PTCHD4: variants seen among roughly 807,000 people sequenced by gnomAD.
PTCHD4 encodes patched domain containing 4.
A neutral mutation model predicts 58.1 loss-of-function variants in PTCHD4; 33 were observed. The ratio of observed to expected loss-of-function variants is 0.57; its 90% CI spans 0.43 to 0.76. The LOEUF (loss-of-function observed/expected upper bound fraction) is 0.76, where lower values mean the gene tolerates loss of function less well. Among genes scored for constraint, PTCHD4 ranks in the 30% least tolerant of loss-of-function variants. The pLI is 0.00. For synonymous variants in PTCHD4, 478 were observed against 409.6 expected, an observed-to-expected ratio of 1.17 and a Z score of -2.02; for missense variants, 1,058 against 1,027.1, an observed-to-expected ratio of 1.03 and a Z score of -0.41.
intron 4 of PTCHD4, among the ~76,000 whole-genome samples, chr6:47,916,606 C>A (rs552971682): frequency 9.1e-4 from 138 of 152,030 alleles, no homozygotes; most frequent in African/African-American, 3.2e-3. Flanking sequence ...ACTTTCTTAC[C>A]CCCTTGAATC....
intron 3 of PTCHD4, among the ~76,000 whole-genome samples, chr6:48,029,023 T>C (rs866768348): frequency 2.6e-5 from 4 of 152,104 alleles, no homozygotes; most frequent in African/African-American, 9.7e-5. Flanking sequence ...GATGTTTGTA[T>C]GACTACATGT....
intron 3 of PTCHD4, among the ~76,000 whole-genome samples, chr6:48,018,503 G>C (rs1199150985): frequency 6.6e-6 from 1 of 152,210 alleles, no homozygotes; most frequent in African/African-American, 2.4e-5. Context: ...GCTAGACCAA[G>C]TCATGTGTCT....
At chr6:48,023,582 T>C (rs891825224) in intron 3 of PTCHD4, among the ~76,000 whole-genome samples, 4 of 152,170 alleles carry the variant, frequency 2.6e-5, no homozygotes, top group Admixed American at 2.6e-4. Context: ...CCTTCTGATA[T>C]CGCCTACCTC....
rs182764600 is a variant in PTCHD4 at position 47,945,736 on chromosome 6, G to A, written c.898+62898C>T. Among the ~76,000 whole-genome samples the A allele has an allele frequency of 3.7e-3, 556 of 151,638 alleles. 4 individuals are homozygous for A. The highest frequency in any genetic ancestry group is 0.013 in the African/African-American group (528 of 41,440). On this transcript the variant is annotated intron_variant, in intron 4 of 4. Coordinates refer to ENST00000339488, the MANE Select transcript of PTCHD4 (RefSeq NM_001384253.1). ...AAAGTGGACATTTATATGATATAGT[G>A]TTTTCCTATCTATGAAAATTATAAA...
Position 47,879,699 on chromosome 6 carries a change from A to G in PTCHD4, c.1136T>C (p.Ile379Thr), listed in dbSNP as rs760436255. ...CVSILLNYFY[I>T]FSFFGSCLVF... The stretch of plus-strand genomic sequence containing the variant: ...CAGACAGGAGCCAAAGAAGGAGAAA[A>G]TGTAGAAGTAGTTCAACAGAATAGA... Residue 379 changes from isoleucine (I) to threonine (T), a missense_variant, in exon 5 of 5, where the codon ATT (isoleucine) becomes ACT (threonine). Ile to Thr is a moderately conservative substitution (Grantham distance 89). Transcript: ENST00000339488. 11 of 1,613,622 alleles carry G rather than the reference A, an allele frequency of 6.8e-6. No homozygotes were observed. Among genetic ancestry groups the G allele is most frequent in the Non-Finnish European group, 9.3e-6 (11 of 1,179,756 alleles).
chr6:47,909,185 G>T (rs1180005916), intron 4 of PTCHD4, among the ~76,000 whole-genome samples: 1 of 152,114 alleles, frequency 6.6e-6, no homozygotes, highest in Non-Finnish European at 1.5e-5. Context: ...AATTATTATT[G>T]TAATTTGAGG....
chr6:47,885,874 G>A (rs1021578490), intron 4 of PTCHD4, among the ~76,000 whole-genome samples: 3 of 151,968 alleles, frequency 2.0e-5, no homozygotes, highest in Admixed American at 6.6e-5. Context: ...GCCATAGTGC[G>A]GTGGCGAGAT....
chr6:48,042,306 C>T (rs2114153591), intron 3 of PTCHD4, among the ~76,000 whole-genome samples: 1 of 152,070 alleles, frequency 6.6e-6, no homozygotes, highest in African/African-American at 2.4e-5. Flanking sequence ...GACAGGCAAA[C>T]ACCATAAGCA....
chr6:48,038,874 C>A (rs1763742291), intron 3 of PTCHD4, among the ~76,000 whole-genome samples: 1 of 152,084 alleles, frequency 6.6e-6, no homozygotes. Flanking sequence ...ACCCAGTGCA[C>A]CTGGACTTCG....
intron 4 of PTCHD4, among the ~76,000 whole-genome samples, chr6:47,995,711 A>G (rs1173305646): frequency 1.3e-5 from 2 of 152,216 alleles, no homozygotes; most frequent in African/African-American, 4.8e-5. Context: ...ACCATAAACC[A>G]TCATTGCCTC....
At chr6:47,889,808 T>G (rs897200190) in intron 4 of PTCHD4, among the ~76,000 whole-genome samples, 2 of 150,870 alleles carry the variant, frequency 1.3e-5, no homozygotes, top group African/African-American at 4.9e-5. Context: ...GGACTTCATG[T>G]CTAAAACACC....
At position 47,871,987 on chromosome 6, in the gene PTCHD4, T is replaced by C. The variant is rs1763724410; in HGVS notation, c.*6316A>G. Among the ~76,000 whole-genome samples, 1 of 151,474 alleles carries C rather than the reference T, an allele frequency of 6.6e-6. No homozygotes were observed. Among genetic ancestry groups the C allele is most frequent in the Non-Finnish European group, 1.5e-5 (1 of 67,686 alleles). On this transcript the variant is annotated 3_prime_UTR_variant, in exon 5 of 5. Transcript: ENST00000339488. The stretch of plus-strand genomic sequence containing the variant: ...CCTTATTCTACTTGAAAATAGATGC[T>C]ACAGACTGTACCAGGAGATGCAAGA...
intron 4 of PTCHD4, among the ~76,000 whole-genome samples, chr6:47,944,974 T>A (rs1240378698): frequency 6.6e-6 from 1 of 151,938 alleles, no homozygotes; most frequent in Non-Finnish European, 1.5e-5. Flanking sequence ...AAATGTAGAG[T>A]CATGCATCCA....
At chr6:47,927,152 C>T (rs974238523) in intron 4 of PTCHD4, among the ~76,000 whole-genome samples, 1 of 152,232 alleles carries the variant, frequency 6.6e-6, no homozygotes, top group African/African-American at 2.4e-5. Flanking sequence ...GGCACCTGAG[C>T]TCAGCTACTT....
intron 3 of PTCHD4, among the ~76,000 whole-genome samples, chr6:48,066,413 TAATG>T: frequency 6.6e-6 from 1 of 152,182 alleles, no homozygotes. Context: ...TAATGCATAC[TAATG>T]AACTACAAAG....
intron 4 of PTCHD4, among the ~76,000 whole-genome samples, chr6:47,913,288 A>G (rs1765125824): frequency 6.6e-6 from 1 of 152,118 alleles, no homozygotes; most frequent in South Asian, 2.1e-4. Context: ...GGAGCACTAT[A>G]AAATGAGGTT....
At position 48,079,844 on chromosome 6, in the gene PTCHD4, TA is replaced by T. The variant is rs552179606; in HGVS notation, c.-969-9919del. On this transcript the variant is annotated intron_variant, in intron 1 of 4. Coordinates refer to ENST00000339488, the MANE Select transcript of PTCHD4 (RefSeq NM_001384253.1). Reference sequence around the variant, plus strand: ...AGGAGCTGAAACTGTGATTTCTGAATAACTTCCCATTCAATATTATAGTATA... The same window carrying T: ...AGGAGCTGAAACTGTGATTTCTGAATACTTCCCATTCAATATTATAGTATA... Among the ~76,000 whole-genome samples the T allele has an allele frequency of 1.4e-4, 21 of 152,078 alleles. No individual in the cohort carries two copies. The East Asian group carries it at 3.7e-3, about 27-fold the overall frequency.
At chr6:47,962,922 G>A (rs1021376979) in intron 4 of PTCHD4, among the ~76,000 whole-genome samples, 1 of 151,904 alleles carries the variant, frequency 6.6e-6, no homozygotes, top group African/African-American at 2.4e-5. Flanking sequence ...CACTTTGGGA[G>A]GCCGAGGCAG....
Position 48,000,915 on chromosome 6 carries a change from C to T in PTCHD4, c.898+7719G>A, listed in dbSNP as rs117670802. ...AATTTCTTTTTAATGCAAAATCCCT[C>T]GAAAGAACAATGTGCAAAAATCACA... On this transcript the variant is annotated intron_variant, in intron 4 of 4. Transcript: ENST00000339488. 2.5e-3 allele frequency among the ~76,000 whole-genome samples: 375 copies of T among 152,116 alleles called. 10 individuals carry two copies. The East Asian group carries it at 0.056, about 23-fold the overall frequency.
Sources: gnomAD v4.1 joint callset for allele counts (sites outside exome capture counted in the v4.1 genomes callset) on GRCh38, gnomAD v4.1.1 for gene constraint, MANE v1.5 for transcripts, NCBI Gene and HGNC (gene_info 2026-07-23, HGNC 2026-07-21) for gene names.